Variants in ZNF385D observed in about 807,000 individuals in gnomAD.
The protein encoded by ZNF385D is zinc finger protein 659.
A neutral mutation model predicts 35.8 loss-of-function variants in ZNF385D; 15 were observed. The ratio of observed to expected loss-of-function variants is 0.42; its 90% confidence interval spans 0.28 to 0.64. ZNF385D has a LOEUF of 0.64. Ranked by LOEUF, ZNF385D falls within the 30% of genes least tolerant of loss-of-function variation. The probability of loss-of-function intolerance (pLI) is 0.23; values close to 1 mark genes in which losing one functional copy is unlikely to be tolerated. For missense variants in ZNF385D, 474 were observed against 494.6 expected, an observed-to-expected ratio of 0.96 and a Z score of 0.39; for synonymous variants, 212 against 186.8, an observed-to-expected ratio of 1.13 and a Z score of -1.10.
At chr3:21,999,763 A>G (rs61688831) in intron 3 of ZNF385D, among the ~76,000 whole-genome samples, 1 of 100,600 alleles carries the variant, frequency 9.9e-6, no homozygotes, top group African/African-American at 4.4e-5. Context: ...AAAATACCCC[A>G]GTCAGGCAAA....
chr3:21,790,522 C>T (rs1387060911), intron 3 of ZNF385D, among the ~76,000 whole-genome samples: 3 of 151,716 alleles, frequency 2.0e-5, no homozygotes, highest in Non-Finnish European at 4.4e-5. Context: ...AAAAAGATTA[C>T]TGAAAAAAAT....
intron 1 of ZNF385D, among the ~76,000 whole-genome samples, chr3:21,719,673 A>G (rs2068460319): frequency 6.6e-6 from 1 of 152,174 alleles, no homozygotes; most frequent in African/African-American, 2.4e-5. Context: ...CCACCCCCTC[A>G]TGAATAATCA....
At chr3:21,511,826 T>A (rs1380905795) in intron 3 of ZNF385D, 2 of 452,342 alleles carry the variant, frequency 4.4e-6, no homozygotes, top group Non-Finnish European at 8.9e-6. Context: ...TAAGAGCATT[T>A]TTTTTTTTTG....
In ZNF385D at chr3:22,264,985, C is replaced by T. The variant is rs554035872; in HGVS notation, c.107-95950G>A. Reference sequence around the variant, plus strand: ...TGCTCCAGACTCCTCTTCTCTCTTCCTTCTACTCCAGAATCCTCAGATAAC... The same window carrying T: ...TGCTCCAGACTCCTCTTCTCTCTTCTTTCTACTCCAGAATCCTCAGATAAC... On this transcript the variant is annotated intron_variant, in intron 2 of 5. Transcript: ENST00000494108. Among the ~76,000 whole-genome samples the T allele has an allele frequency of 3.9e-5, 6 of 151,954 alleles. No individual in the cohort carries two copies. The East Asian group carries it at 7.8e-4, about 20-fold the overall frequency.
intron 3 of ZNF385D, among the ~76,000 whole-genome samples, chr3:21,925,376 T>A (rs565726274): frequency 5.5e-4 from 83 of 152,258 alleles, no homozygotes; most frequent in African/African-American, 2.0e-3. Flanking sequence ...GATGCAAAAT[T>A]CATTGAAGAA....
At chr3:21,573,360 G>T (rs2063390918) in intron 2 of ZNF385D, among the ~76,000 whole-genome samples, 1 of 152,122 alleles carries the variant, frequency 6.6e-6, no homozygotes, top group Non-Finnish European at 1.5e-5. Flanking sequence ...AAAATAACAA[G>T]ATTATGGTTT....
In ZNF385D at chr3:22,361,028, T is replaced by C. The variant is rs533957425; in HGVS notation, c.106+11422A>G. On this transcript the variant is annotated intron_variant, in intron 2 of 5. Transcript: ENST00000494108. The stretch of plus-strand genomic sequence containing the variant: ...TTATTAAAATATCCCATTTCATTTA[T>C]GAGGAAAAAAAGTCACAGCCTTTGC... Among the ~76,000 whole-genome samples, 16 of 152,184 alleles carry C rather than the reference T, an allele frequency of 1.1e-4. No individual in the cohort carries two copies. In the East Asian group the frequency reaches 2.9e-3, roughly 28 times the overall value.
At chr3:22,070,041 A>G (rs886389680) in intron 3 of ZNF385D, among the ~76,000 whole-genome samples, 1 of 152,206 alleles carries the variant, frequency 6.6e-6, no homozygotes, top group Non-Finnish European at 1.5e-5. Context: ...AACTGTCTAA[A>G]TTCTGAATTG....
chr3:21,670,647 GGCGCCCCCCCC>G (rs1421578933), intron 1 of ZNF385D, among the ~76,000 whole-genome samples: 201 of 15,684 alleles, frequency 0.013, 4 homozygotes, highest in South Asian at 0.021. Context: ...GAAATCCTAA[GGCGCCCCCCCC>G]CCCCCCCCCC....
At chr3:21,958,300 C>T (rs1458781292) in intron 3 of ZNF385D, among the ~76,000 whole-genome samples, 9 of 152,074 alleles carry the variant, frequency 5.9e-5, no homozygotes, top group African/African-American at 9.7e-5. Context: ...CAATAGAGGT[C>T]AGGAACATGG....
At chr3:22,095,788 A>C (rs866240059) in intron 3 of ZNF385D, among the ~76,000 whole-genome samples, 4 of 151,626 alleles carry the variant, frequency 2.6e-5, no homozygotes, top group South Asian at 2.1e-4. Flanking sequence ...TGTTCAATAA[A>C]ATTTAATTCA....
intron 1 of ZNF385D, among the ~76,000 whole-genome samples, chr3:21,671,246 TCAGAATGGCCAGC>T (rs1434382857): frequency 6.6e-6 from 1 of 152,058 alleles, no homozygotes; most frequent in Non-Finnish European, 1.5e-5. Context: ...TCCCCGCCTG[TCAGAATGGCCAGC>T]CTGCAGGCTG....
intron 3 of ZNF385D, chr3:22,134,262 T>C (rs996279772): frequency 3.3e-5 from 5 of 152,102 alleles, no homozygotes; most frequent in African/African-American, 4.8e-5. Flanking sequence ...TGGAGTGTTA[T>C]ATTAATATTA....
chr3:22,189,122 T>C (rs919421140), intron 2 of ZNF385D, among the ~76,000 whole-genome samples: 1 of 152,156 alleles, frequency 6.6e-6, no homozygotes, highest in Non-Finnish European at 1.5e-5. Flanking sequence ...GGTGGAATTC[T>C]TGTCTTTTAG....
In ZNF385D at chr3:21,937,192, AT is replaced by A. The variant is rs60555908; in HGVS notation, c.325+231624del. Among the ~76,000 whole-genome samples the A allele has an allele frequency of 2.6e-3, 393 of 151,416 alleles. 1 individual carries two copies. Among genetic ancestry groups the A allele is most frequent in the African/African-American group, 8.8e-3 (365 of 41,298 alleles). ...ATCAAAGTATAGTATGATATACACTATTTTTTTTTCACAGATGAAAGGCCCA... is the reference window on the plus strand; with the variant it reads ...ATCAAAGTATAGTATGATATACACTATTTTTTTTCACAGATGAAAGGCCCA... On this transcript the variant is annotated intron_variant, in intron 3 of 5. Transcript: ENST00000494108.
At chr3:21,655,993 A>T (rs2066059426) in intron 2 of ZNF385D, among the ~76,000 whole-genome samples, 1 of 152,128 alleles carries the variant, frequency 6.6e-6, no homozygotes, top group African/African-American at 2.4e-5. Context: ...CCTATTAAAA[A>T]AGGCAATATA....
chr3:21,853,489 T>C (rs2125814902), intron 3 of ZNF385D, among the ~76,000 whole-genome samples: 2 of 144,114 alleles, frequency 1.4e-5, no homozygotes, highest in Middle Eastern at 7.5e-3. Flanking sequence ...TAGAGTTTAA[T>C]TGTTTAAAAT....
In ZNF385D at chr3:21,934,015, A is replaced by T. The variant is rs1219647533; in HGVS notation, c.325+234802T>A. Among the ~76,000 whole-genome samples, 4 of 151,694 alleles carry T rather than the reference A, an allele frequency of 2.6e-5. No individual in the cohort carries two copies. The East Asian group carries it at 7.7e-4, about 29-fold the overall frequency. On this transcript the variant is annotated intron_variant, in intron 3 of 5. Coordinates refer to the ZNF385D transcript ENST00000494108. ...GTAACTCACTGGTAATTAAAAAAAAAATCCTAACTTTGGCTAAAAAAAAAG... is the reference window on the plus strand; with the variant it reads ...GTAACTCACTGGTAATTAAAAAAAATATCCTAACTTTGGCTAAAAAAAAAG...
At chr3:22,010,986 T>C (rs1310315926) in intron 3 of ZNF385D, among the ~76,000 whole-genome samples, 3 of 152,154 alleles carry the variant, frequency 2.0e-5, no homozygotes, top group Non-Finnish European at 4.4e-5. Context: ...AAATCCTGGA[T>C]AGACTATTTC....
Sources: gnomAD v4.1 joint callset for allele counts (sites outside exome capture counted in the v4.1 genomes callset) on GRCh38, gnomAD v4.1.1 for gene constraint, MANE v1.5 for transcripts, NCBI Gene and HGNC (gene_info 2026-07-23, HGNC 2026-07-21) for gene names.